Variants in PITPNC1 observed in about 807,000 individuals in gnomAD.
The protein encoded by PITPNC1 is phosphatidylinositol transfer protein cytoplasmic 1.
A neutral mutation model predicts 44.7 loss-of-function variants in PITPNC1; 18 were observed. The ratio of observed to expected loss-of-function variants is 0.40; its 90% CI spans 0.28 to 0.60. The LOEUF (loss-of-function observed/expected upper bound fraction) is 0.60. PITPNC1 is among the 20% of genes least tolerant of loss of function. PITPNC1 has a pLI of 0.39. For synonymous variants in PITPNC1, 141 were observed against 149.6 expected (o/e 0.94, Z 0.42); for missense variants, 290 against 418.4 (o/e 0.69, Z 2.68).
At chr17:67,432,380 C>T (rs920353569) in intron 1 of PITPNC1, among the ~76,000 whole-genome samples, 7 of 152,110 alleles carry the variant, frequency 4.6e-5, no homozygotes, top group South Asian at 4.2e-4. Flanking sequence ...CCCAGCTACT[C>T]GGGAGGCTGA....
intron 8 of PITPNC1, among the ~76,000 whole-genome samples, chr17:67,689,003 G>T (rs2042872991): frequency 6.6e-6 from 1 of 152,194 alleles, no homozygotes; most frequent in South Asian, 2.1e-4. Context: ...GGGAGTTCAA[G>T]ACCAGCCTGA....
chr17:67,489,448 T>C (rs927311085), intron 1 of PITPNC1, among the ~76,000 whole-genome samples: 13 of 152,218 alleles, frequency 8.5e-5, no homozygotes, highest in African/African-American at 2.4e-4. Flanking sequence ...ATGACAAAGA[T>C]TGTGGTCACT....
At chr17:67,531,076 C>G (rs2040454653) in intron 1 of PITPNC1, among the ~76,000 whole-genome samples, 1 of 152,060 alleles carries the variant, frequency 6.6e-6, no homozygotes, top group African/African-American at 2.4e-5. Context: ...GACCCTGTCT[C>G]TACAAAAAAT....
In PITPNC1 at chr17:67,468,532, G is replaced by A. The variant is rs2039463128; in HGVS notation, c.49-64270G>A. ...TTCTCCTGCCTCAGCCTCCCGAGTA[G>A]CTGGGACTACTGGTGCCCACCACCA... On this transcript the variant is annotated intron_variant, in intron 1 of 8. Coordinates refer to ENST00000581322, the MANE Select transcript of PITPNC1 (RefSeq NM_012417.4). Among the ~76,000 whole-genome samples, 3 of 145,916 alleles carry A rather than the reference G, an allele frequency of 2.1e-5. No individual in the cohort carries two copies. The Admixed American group carries it at 2.1e-4, about 10-fold the overall frequency.
chr17:67,579,218 A>G (rs2041193307), intron 5 of PITPNC1, among the ~76,000 whole-genome samples: 1 of 152,228 alleles, frequency 6.6e-6, no homozygotes, highest in African/African-American at 2.4e-5. Context: ...TTTTACCCCC[A>G]GGCTCTTTCT....
chr17:67,432,354 G>A (rs1183664834), intron 1 of PITPNC1, among the ~76,000 whole-genome samples: 1 of 152,112 alleles, frequency 6.6e-6, no homozygotes, highest in Non-Finnish European at 1.5e-5. Context: ...CGGGCGTGGT[G>A]GTGGGCACCT....
chr17:67,654,555 C>T lies in PITPNC1; in HGVS notation c.463-14953C>T, dbSNP rs566101492. 5.3e-5 allele frequency among the ~76,000 whole-genome samples: 8 copies of T among 152,326 alleles called. No homozygotes were observed. In the East Asian group the frequency reaches 9.7e-4, roughly 18 times the overall value. On this transcript the variant is annotated intron_variant, in intron 6 of 8. Transcript: ENST00000581322. ...ACTTTGGGATGTCTCCTGTGCATCA[C>T]GCACCTTCTATGTGCCAGGCTGGGC... is the stretch of plus-strand genomic sequence containing the variant.
At chr17:67,397,233 G>T (rs535317450) in intron 1 of PITPNC1, among the ~76,000 whole-genome samples, 8 of 152,076 alleles carry the variant, frequency 5.3e-5, no homozygotes, top group African/African-American at 1.9e-4. Flanking sequence ...CACCCGCCTC[G>T]GCCTCTCAAA....
At chr17:67,644,912 G>A (rs1053416615) in intron 6 of PITPNC1, among the ~76,000 whole-genome samples, 7 of 152,112 alleles carry the variant, frequency 4.6e-5, no homozygotes, top group South Asian at 4.1e-4. Flanking sequence ...GGAGATATCC[G>A]GGTCCCACCT....
intron 1 of PITPNC1, chr17:67,459,886 T>C (rs567122291): frequency 4.8e-4 from 73 of 152,294 alleles, no homozygotes; most frequent in Middle Eastern, 3.4e-3. Flanking sequence ...GACAGACCTG[T>C]AAGATTTTTA....
intron 1 of PITPNC1, among the ~76,000 whole-genome samples, chr17:67,529,569 G>A (rs2144123007): frequency 6.6e-6 from 1 of 152,252 alleles, no homozygotes; most frequent in East Asian, 1.9e-4. Flanking sequence ...CACTTCCATC[G>A]CTCCAGAAGG....
intron 6 of PITPNC1, among the ~76,000 whole-genome samples, chr17:67,646,074 G>A (rs2042145705): frequency 6.6e-6 from 1 of 152,134 alleles, no homozygotes; most frequent in Non-Finnish European, 1.5e-5. Flanking sequence ...GCAGTGAGCC[G>A]AGATCGTACC....
chr17:67,570,247 C>G (rs2041034697), intron 4 of PITPNC1, among the ~76,000 whole-genome samples: 1 of 152,116 alleles, frequency 6.6e-6, no homozygotes, highest in South Asian at 2.1e-4. Context: ...CAGCAGGGGG[C>G]CAAGGGAAAG....
chr17:67,630,213 C>T (rs1292406764), intron 5 of PITPNC1, among the ~76,000 whole-genome samples: 2 of 152,202 alleles, frequency 1.3e-5, no homozygotes, highest in African/African-American at 2.4e-5. Flanking sequence ...CATTCTCTCC[C>T]GAAGAGTCAG....
At chr17:67,492,376 A>T (rs950638506) in intron 1 of PITPNC1, among the ~76,000 whole-genome samples, 1 of 152,216 alleles carries the variant, frequency 6.6e-6, no homozygotes, top group Non-Finnish European at 1.5e-5. Context: ...GGAAGGAAAC[A>T]TATGAAGCAG....
intron 4 of PITPNC1, among the ~76,000 whole-genome samples, chr17:67,577,825 G>T (rs2041170303): frequency 6.6e-6 from 1 of 152,186 alleles, no homozygotes; most frequent in African/African-American, 2.4e-5. Context: ...ATCCAGCAAT[G>T]GTAGCTGCTC....
chr17:67,477,740 C>T (rs2144020620), intron 1 of PITPNC1, among the ~76,000 whole-genome samples: 1 of 152,238 alleles, frequency 6.6e-6, no homozygotes. Flanking sequence ...GCACTCAAGG[C>T]CTAGTGTGAG....
chr17:67,663,395 C>T (rs1402032447), intron 6 of PITPNC1, among the ~76,000 whole-genome samples: 1 of 151,890 alleles, frequency 6.6e-6, no homozygotes, highest in African/African-American at 2.4e-5. Context: ...CAGTGAAACC[C>T]CCGTCTCTCC....
At chr17:67,541,947 G>A (rs1376699714) in intron 2 of PITPNC1, among the ~76,000 whole-genome samples, 2 of 152,202 alleles carry the variant, frequency 1.3e-5, no homozygotes, top group Non-Finnish European at 2.9e-5. Flanking sequence ...TGCTATTGCT[G>A]GAGGTGTTTC....
Sources: allele counts gnomAD v4.1 joint callset (sites outside exome capture counted in the v4.1 genomes callset), GRCh38; gene constraint gnomAD v4.1.1; transcripts MANE v1.5; gene names NCBI Gene and HGNC (gene_info 2026-07-23, HGNC 2026-07-21).